The following NUBPL variants were observed in gnomAD, a reference collection of about 807,000 sequenced individuals.
NUBPL encodes the protein NUBP iron-sulfur cluster assembly factor, mitochondrial, also known as iron-sulfur cluster transfer protein NUBPL.
Under a neutral mutation model 45.7 loss-of-function variants are expected in NUBPL, and 31 were observed. That is an observed-to-expected ratio of 0.68 (90% CI 0.51 to 0.92). The LOEUF (loss-of-function observed/expected upper bound fraction) is 0.92, where lower values mean the gene tolerates loss of function less well. Among genes scored for constraint, NUBPL ranks in the 40% least tolerant of loss-of-function variants. NUBPL has a pLI of 0.00. For synonymous variants in NUBPL, 144 were observed against 140.9 expected (o/e 1.02, Z -0.15); for missense variants, 401 against 398.7 (o/e 1.01, Z -0.05).
intron 4 of NUBPL, among the ~76,000 whole-genome samples, chr14:31,671,486 T>C (rs1213176527): frequency 6.6e-6 from 1 of 152,330 alleles, no homozygotes; most frequent in East Asian, 1.9e-4. Flanking sequence ...AAAAATCTCT[T>C]AGTGTAACTC....
intron 6 of NUBPL, among the ~76,000 whole-genome samples, chr14:31,698,464 C>A (rs924423006): frequency 1.3e-5 from 2 of 151,594 alleles, no homozygotes; most frequent in Non-Finnish European, 2.9e-5. Context: ...ACTTTATTTT[C>A]CCCCCATCAC....
chr14:31,742,250 AC>A (rs2038301590), intron 6 of NUBPL, among the ~76,000 whole-genome samples: 1 of 126,392 alleles, frequency 7.9e-6, no homozygotes, highest in Non-Finnish European at 1.7e-5. Flanking sequence ...ACACACACAC[AC>A]ACACACACAC....
intron 6 of NUBPL, chr14:31,714,488 G>A (rs955645865): frequency 4.1e-4 from 66 of 162,890 alleles, no homozygotes; most frequent in Middle Eastern, 3.0e-3. Flanking sequence ...GCTTACAATC[G>A]TGGTGGAAGG....
intron 4 of NUBPL, among the ~76,000 whole-genome samples, chr14:31,635,713 T>G (rs1482636601): frequency 2.3e-5 from 3 of 132,502 alleles, no homozygotes; most frequent in Non-Finnish European, 5.2e-5. Flanking sequence ...TGATTCTTCC[T>G]ACCCATGAGC....
At chr14:31,772,191 T>G (rs2039020776) in intron 6 of NUBPL, among the ~76,000 whole-genome samples, 1 of 152,202 alleles carries the variant, frequency 6.6e-6, no homozygotes, top group Non-Finnish European at 1.5e-5. Context: ...TCTAAATATA[T>G]TTTATAAGCT....
At chr14:31,767,085 T>C (rs542897895) in intron 6 of NUBPL, among the ~76,000 whole-genome samples, 1 of 152,340 alleles carries the variant, frequency 6.6e-6, no homozygotes, top group African/African-American at 2.4e-5. Flanking sequence ...CCCATATATA[T>C]ATCAGCTTTA....
intron 4 of NUBPL, among the ~76,000 whole-genome samples, chr14:31,614,538 T>G (rs1427097773): frequency 6.6e-6 from 1 of 152,232 alleles, no homozygotes; most frequent in East Asian, 1.9e-4. Flanking sequence ...TTTTTTTACA[T>G]GCAACTTAAC....
intron 7 of NUBPL, among the ~76,000 whole-genome samples, chr14:31,819,966 C>T (rs952397170): frequency 6.6e-6 from 1 of 151,698 alleles, no homozygotes; most frequent in Non-Finnish European, 1.5e-5. Flanking sequence ...CGGTGAAACC[C>T]CATCTCTACT....
intron 6 of NUBPL, among the ~76,000 whole-genome samples, chr14:31,786,521 T>A (rs1019089457): frequency 2.0e-5 from 3 of 150,988 alleles, no homozygotes; most frequent in Non-Finnish European, 2.9e-5. Flanking sequence ...CTGGTGATTA[T>A]GTATTTATGA....
At chr14:31,592,384 AGTG>A (rs983816353) in intron 3 of NUBPL, among the ~76,000 whole-genome samples, 2 of 152,054 alleles carry the variant, frequency 1.3e-5, no homozygotes, top group Non-Finnish European at 2.9e-5. Flanking sequence ...AAATGGGAGG[AGTG>A]GTGGCAGTGA....
At chr14:31,811,876 C>T (rs141214022) in intron 7 of NUBPL, among the ~76,000 whole-genome samples, 1 of 152,194 alleles carries the variant, frequency 6.6e-6, no homozygotes, top group African/African-American at 2.4e-5. Flanking sequence ...CCAGTCAGGT[C>T]CCTCAGCTGC....
chr14:31,820,268 G>T (rs1050893209), intron 7 of NUBPL, among the ~76,000 whole-genome samples: 1 of 151,824 alleles, frequency 6.6e-6, no homozygotes, highest in Non-Finnish European at 1.5e-5. Context: ...TGCTGCTGTT[G>T]ACACTTCCTT....
intron 7 of NUBPL, among the ~76,000 whole-genome samples, chr14:31,788,120 T>G (rs2039316831): frequency 6.6e-6 from 1 of 152,184 alleles, no homozygotes; most frequent in Non-Finnish European, 1.5e-5. Context: ...GGAGAAAGAA[T>G]TTGTCCAAGA....
chr14:31,693,896 C>T (rs1185559679), intron 6 of NUBPL, among the ~76,000 whole-genome samples: 3 of 132,568 alleles, frequency 2.3e-5, no homozygotes, highest in Non-Finnish European at 4.5e-5. Context: ...CGCTCTGTTG[C>T]CCAGGCTGGA....
intron 3 of NUBPL, among the ~76,000 whole-genome samples, chr14:31,591,738 TAGAAG>T (rs1455760963): frequency 6.6e-6 from 1 of 152,092 alleles, no homozygotes; most frequent in Non-Finnish European, 1.5e-5. Context: ...GTAGAAGTAT[TAGAAG>T]AGAGACTTTC....
In NUBPL at chr14:31,565,206, T is replaced by C. The variant is rs544593274; in HGVS notation, c.291+158T>C. On this transcript the variant is annotated intron_variant, in intron 3 of 10. Coordinates refer to ENST00000281081, the MANE Select transcript of NUBPL (RefSeq NM_025152.3). ...ACTCAATGCTGCCATCACTACTGGT[T>C]ACATTTAATAATAATAATGTATTTA... is the stretch of plus-strand genomic sequence containing the variant. Among the ~76,000 whole-genome samples, 7 of 152,312 alleles carry C rather than the reference T, an allele frequency of 4.6e-5. No individual in the cohort carries two copies. The South Asian group carries it at 1.2e-3, about 27-fold the overall frequency.
At chr14:31,730,102 C>T (rs2038016978) in intron 6 of NUBPL, among the ~76,000 whole-genome samples, 1 of 151,930 alleles carries the variant, frequency 6.6e-6, no homozygotes, top group Non-Finnish European at 1.5e-5. Context: ...CAATTTGGAC[C>T]AATATTCATG....
intron 4 of NUBPL, among the ~76,000 whole-genome samples, chr14:31,615,666 C>T (rs528992981): frequency 1.8e-4 from 28 of 152,224 alleles, no homozygotes; most frequent in African/African-American, 6.5e-4. Context: ...ATGATATATA[C>T]ATGCCATATT....
At chr14:31,651,762 G>C (rs1468106567) in intron 4 of NUBPL, among the ~76,000 whole-genome samples, 1 of 151,960 alleles carries the variant, frequency 6.6e-6, no homozygotes, top group Non-Finnish European at 1.5e-5. Context: ...AGCCAGGTGT[G>C]GTGGTGGGTG....
Sources: gnomAD v4.1 joint callset for allele counts (sites outside exome capture counted in the v4.1 genomes callset) on GRCh38, gnomAD v4.1.1 for gene constraint, MANE v1.5 for transcripts, NCBI Gene and HGNC (gene_info 2026-07-23, HGNC 2026-07-21) for gene names.